The following ABHD16A variants were observed in gnomAD, a reference collection of about 807,000 sequenced individuals.
ABHD16A encodes phosphatidylserine lipase ABHD16A.
A neutral mutation model predicts 89.8 loss-of-function variants in ABHD16A; 47 were observed. That is an observed-to-expected ratio of 0.52 (90% CI 0.41 to 0.67). The LOEUF (loss-of-function observed/expected upper bound fraction) is 0.67. Ranked by LOEUF, ABHD16A falls within the 30% of genes least tolerant of loss-of-function variation. ABHD16A has a pLI of 0.00. For synonymous variants in ABHD16A, 251 were observed against 280.4 expected (o/e 0.90, Z 1.05); for missense variants, 580 against 734.6 (o/e 0.79, Z 2.43).
intron 3 of ABHD16A, 23 bp downstream of exon 3, chr6:31,701,248 CCCA>C: frequency 1.2e-6 from 2 of 1,603,158 alleles, no homozygotes; most frequent in Non-Finnish European, 8.5e-7. Flanking sequence ...CATTTGCTAC[CCCA>C]CCACCTTTGA....
At chr6:31,703,037 T>C in intron 1 of ABHD16A, 113 bp downstream of exon 1, 2 of 1,366,024 alleles carry the variant, frequency 1.5e-6, no homozygotes, top group Non-Finnish European at 1.9e-6. Flanking sequence ...TGCGGATAAC[T>C]GGCTTGACAA....
intron 4 of ABHD16A, among the ~76,000 whole-genome samples, chr6:31,699,053 A>G (rs574832131): frequency 1.3e-4 from 20 of 152,308 alleles, no homozygotes; most frequent in Non-Finnish European, 2.5e-4. Context: ...ACCTCTCAGC[A>G]GGGCTCTCCC....
intron 5 of ABHD16A, 120 bp downstream of exon 5, chr6:31,696,828 G>C: frequency 1.1e-6 from 1 of 931,066 alleles, no homozygotes; most frequent in Non-Finnish European, 1.7e-6. Context: ...CAAACACCCA[G>C]TGTGGTGGGT....
chr6:31,693,562 T>G lies in ABHD16A; in HGVS notation c.430-130A>C. The G allele has an allele frequency of 1.3e-6, 1 of 795,762 alleles. No homozygotes were observed. Among genetic ancestry groups the G allele is most frequent in the Non-Finnish European group, 2.1e-6 (1 of 485,940 alleles). The allele number at this position is 795,762 out of a possible 1,614,324, so 49.3% of individuals were successfully genotyped here. A position where few individuals can be genotyped will look rare whatever the true frequency, so the allele number is the denominator to read the frequency against. On this transcript the variant is annotated intron_variant, in intron 5 of 19. Coordinates refer to ENST00000395952, the MANE Select transcript of ABHD16A (RefSeq NM_021160.3). This position sits in a 1 kb window ranked among gnomAD's most constrained non-coding sequence, Gnocchi z 5.0. ...CATGGGGAAACCAAGCGGAGGTCAA[T>G]ACCCTCCCAATTCTCAGATGGAAAA... is the stretch of plus-strand genomic sequence containing the variant.
Position 31,691,679 on chromosome 6 carries a change from C to T in ABHD16A, c.743G>A (p.Cys248Tyr). The change falls in exon 9 of 20, where the codon TGT (cysteine) becomes TAT (tyrosine). Residue 248 changes from cysteine (C) to tyrosine (Y), a missense_variant and splice_region_variant. By Grantham distance (194) the Cys-to-Tyr change is radical. This residue lies in a region of ABHD16A where 415 missense variants were observed against 568.8 expected (regional missense o/e 0.73). Transcript: ENST00000395952. ...LQGQARLVEE[C>Y]NGRRAKLLAC... ...CAGCAGCTTTGCCCGGCGCCCATTA[C>T]ACTGAGTACGGAAGACGCAATGGCC... 5 of 1,606,402 alleles carry T rather than the reference C, an allele frequency of 3.1e-6. No individual in the cohort carries two copies. Among genetic ancestry groups the T allele is most frequent in the Non-Finnish European group, 4.2e-6 (5 of 1,177,734 alleles).
At chr6:31,700,694 T>C (rs557686163) in intron 4 of ABHD16A, among the ~76,000 whole-genome samples, 45 of 152,086 alleles carry the variant, frequency 3.0e-4, no homozygotes, top group Admixed American at 1.4e-3. Context: ...GTTCAGGAGT[T>C]TGAGACCAGC....
intron 4 of ABHD16A, among the ~76,000 whole-genome samples, chr6:31,700,427 C>A (rs1804849074): frequency 6.6e-6 from 1 of 152,180 alleles, no homozygotes; most frequent in African/African-American, 2.4e-5. Flanking sequence ...CCCGGCCACA[C>A]AGAACATATT....
At position 31,688,080 on chromosome 6, in the gene ABHD16A, T is replaced by C; in HGVS notation, c.1331A>G (p.Asn444Ser). The change falls in exon 16 of 20, where the codon AAC becomes AGC. Residue 444 changes from asparagine to serine, a missense_variant. Physicochemically the swap from Asn to Ser is conservative, Grantham distance 46. Coordinates refer to ENST00000395952, the MANE Select transcript of ABHD16A (RefSeq NM_021160.3). The surrounding 1 kb of genome is among the most constrained non-coding windows in gnomAD (Gnocchi z 4.9). ...TTTVPEDIMSNRGNDLLLKLL... is the reference protein window; with the variant it reads ...TTTVPEDIMSSRGNDLLLKLL... ...CTTCAGCAGGAGGTCATTGCCTCGG[T>C]TGGACATGATGTCCTCAGGAACCCT... 6.2e-7 allele frequency: 1 copy of C among 1,613,152 alleles called. No individual in the cohort carries two copies. The highest frequency in any genetic ancestry group is 8.5e-7 in the Non-Finnish European group (1 of 1,179,506).
chr6:31,692,155 T>C, intron 7 of ABHD16A: 1 of 476,834 alleles, frequency 2.1e-6, no homozygotes, highest in Non-Finnish European at 3.7e-6. Flanking sequence ...TGCACACATA[T>C]CCTGTATGTA....
intron 4 of ABHD16A, among the ~76,000 whole-genome samples, chr6:31,700,232 TCTC>T (rs1804820820): frequency 6.6e-6 from 1 of 151,916 alleles, no homozygotes; most frequent in South Asian, 2.1e-4. Context: ...TTCAAGCTAT[TCTC>T]CTGCCTCAGC....
chr6:31,693,462 C>T lies in ABHD16A; in HGVS notation c.430-30G>A, dbSNP rs995836521. 3 of 1,610,000 alleles carry T rather than the reference C, an allele frequency of 1.9e-6. No individual in the cohort carries two copies. The highest frequency in any genetic ancestry group is 1.3e-5 in the African/African-American group (1 of 74,832). On this transcript the variant is annotated intron_variant, in intron 5 of 19. Coordinates refer to ENST00000395952, the MANE Select transcript of ABHD16A (RefSeq NM_021160.3). The surrounding 1 kb of genome is among the most constrained non-coding windows in gnomAD (Gnocchi z 5.0). ...AGTGGGCACGAGAGGCAAAGGGGTA[C>T]TGAGAACTCAGGGGAGGCTCTCCTA...
chr6:31,701,922 G>A (rs528232442), intron 2 of ABHD16A, 152 bp downstream of exon 2: 7 of 762,988 alleles, frequency 9.2e-6, no homozygotes, highest in South Asian at 4.8e-5. Context: ...CATTTAGAGT[G>A]TGCCTGTGTG....
chr6:31,695,350 T>C lies in ABHD16A; in HGVS notation c.429+1598A>G, dbSNP rs911055577. Among the ~76,000 whole-genome samples, 37 of 152,214 alleles carry C rather than the reference T, an allele frequency of 2.4e-4. 1 individual carries two copies. The highest frequency in any genetic ancestry group is 1.3e-3 in the East Asian group (7 of 5,200). On this transcript the variant is annotated intron_variant, in intron 5 of 19. Transcript: ENST00000395952. ...ACCTTGTCCCATCCACAAACAAGGA[T>C]AGCATGGTATTCAATGCATACAACA...
At chr6:31,700,113 T>C (rs902224689) in intron 4 of ABHD16A, among the ~76,000 whole-genome samples, 21 of 151,472 alleles carry the variant, frequency 1.4e-4, no homozygotes, top group Non-Finnish European at 2.8e-4. Flanking sequence ...TTCTCTTGCA[T>C]GGCTATTGCA....
At position 31,687,615 on chromosome 6, in the gene ABHD16A, C is replaced by G. The variant is rs972990257; in HGVS notation, c.1546+27G>C. 1.4e-5 allele frequency: 23 copies of G among 1,612,850 alleles called. No homozygotes were observed. The highest frequency in any genetic ancestry group is 1.8e-5 in the Non-Finnish European group (21 of 1,179,982). On this transcript the variant is annotated intron_variant, in intron 18 of 19. Transcript: ENST00000395952. The surrounding 1 kb of genome is among the most constrained non-coding windows in gnomAD (Gnocchi z 6.3). Reference sequence around the variant, plus strand: ...ATCCCCTTCCTAGGCCCTTCCCACCCTCTCTCCTGCCCCAGGAGCTCCTTA... The same window carrying G: ...ATCCCCTTCCTAGGCCCTTCCCACCGTCTCTCCTGCCCCAGGAGCTCCTTA...
In ABHD16A at chr6:31,687,923, G is replaced by A; in HGVS notation, c.1371-23C>T. On this transcript the variant is annotated intron_variant, in intron 16 of 19. Transcript: ENST00000395952. The surrounding 1 kb of genome is among the most constrained non-coding windows in gnomAD (Gnocchi z 6.3). ...TACCTACGGAGGAAGTGCCAGGACA[G>A]GTCAGGGCTGATTTTTTTTCATTCA... 6.2e-7 allele frequency: 1 copy of A among 1,612,710 alleles called. No individual in the cohort carries two copies. The highest frequency in any genetic ancestry group is 8.5e-7 in the Non-Finnish European group (1 of 1,180,000).
At chr6:31,702,796 G>T in intron 1 of ABHD16A, 1 of 1,436,012 alleles carries the variant, frequency 7.0e-7, no homozygotes, top group Non-Finnish European at 9.2e-7. Flanking sequence ...GAGGAAACTG[G>T]GAGTCTGACA....
intron 8 of ABHD16A, 47 bp downstream of exon 8, chr6:31,691,757 G>C (rs1803902746): frequency 1.3e-6 from 2 of 1,553,608 alleles, no homozygotes; most frequent in South Asian, 1.2e-5. Flanking sequence ...GGTGGGTGGG[G>C]GTGAGAGGGG....
At chr6:31,695,656 G>C (rs999946884) in intron 5 of ABHD16A, among the ~76,000 whole-genome samples, 1 of 151,998 alleles carries the variant, frequency 6.6e-6, no homozygotes, top group African/African-American at 2.4e-5. Flanking sequence ...CCAGGAGGCG[G>C]AGGTTGCAGT....
Sources: allele counts gnomAD v4.1 joint callset (sites outside exome capture counted in the v4.1 genomes callset), GRCh38; gene constraint gnomAD v4.1.1; regional missense constraint gnomAD v4.1.1; non-coding constraint Gnocchi (gnomAD v3.1); transcripts MANE v1.5; gene names NCBI Gene and HGNC (gene_info 2026-07-23, HGNC 2026-07-21).